The following PLXDC2 variants were observed in gnomAD, a reference collection of about 807,000 sequenced individuals.
The protein encoded by PLXDC2 is plexin domain containing 2.
PLXDC2 carries 40 observed loss-of-function variants against 68.9 expected under a neutral mutation model. The observed-to-expected ratio is 0.58, with a 90% CI of 0.45 to 0.76. PLXDC2 has a LOEUF of 0.76. Among genes scored for constraint, PLXDC2 ranks in the 30% least tolerant of loss-of-function variants. The pLI is 0.00. For synonymous variants in PLXDC2, 243 were observed against 234.2 expected (o/e 1.04, Z -0.34); for missense variants, 644 against 661.9 (o/e 0.97, Z 0.30).
chr10:19,979,858 A>T lies in PLXDC2; in HGVS notation c.113-21917A>T, dbSNP rs140710970. Among the ~76,000 whole-genome samples, 1,298 of 152,304 alleles carry T rather than the reference A, an allele frequency of 8.5e-3. 22 individuals are homozygous for T. Among genetic ancestry groups the T allele is most frequent in the African/African-American group, 0.029 (1,204 of 41,566 alleles). On this transcript the variant is annotated intron_variant, in intron 1 of 13. Transcript: ENST00000377252. Reference sequence around the variant, plus strand: ...TAAACTTGCCCCTCGGCATTTCCACAGTGGAGAAATGACTAAGCCCAGATA... The same window carrying T: ...TAAACTTGCCCCTCGGCATTTCCACTGTGGAGAAATGACTAAGCCCAGATA...
Position 20,164,571 on chromosome 10 carries a change from C to T in PLXDC2, c.883+4C>T, listed in dbSNP as rs779620609. 4.1e-5 allele frequency: 66 copies of T among 1,604,720 alleles called. No homozygotes were observed. Among genetic ancestry groups the T allele is most frequent in the South Asian group, 2.1e-4 (19 of 90,866 alleles). On this transcript the variant is annotated splice_donor_region_variant and intron_variant, in intron 7 of 13. Transcript: ENST00000377252. ...CACAGGATCCAACAAATTCCCAGTA[C>T]GTAGAAGAAGGGCAGTCGCAATGAG... is the stretch of plus-strand genomic sequence containing the variant.
At chr10:20,206,209 A>G (rs1298288627) in intron 9 of PLXDC2, among the ~76,000 whole-genome samples, 1 of 152,162 alleles carries the variant, frequency 6.6e-6, no homozygotes, top group Non-Finnish European at 1.5e-5. Context: ...CTTATCTAAG[A>G]TCACACACCT....
chr10:20,043,331 CTGATT>C (rs1835717220), intron 2 of PLXDC2: 2 of 152,102 alleles, frequency 1.3e-5, no homozygotes, highest in Non-Finnish European at 2.9e-5. Context: ...TTTGGCAGGT[CTGATT>C]TAAGAAAAAC....
At chr10:20,114,495 A>T (rs1833597916) in intron 4 of PLXDC2, among the ~76,000 whole-genome samples, 1 of 152,222 alleles carries the variant, frequency 6.6e-6, no homozygotes, top group African/African-American at 2.4e-5. Flanking sequence ...GTGGTGAGAG[A>T]GGGGAATAGA....
At chr10:19,970,717 G>A (rs898731915) in intron 1 of PLXDC2, among the ~76,000 whole-genome samples, 1 of 152,134 alleles carries the variant, frequency 6.6e-6, no homozygotes, top group Non-Finnish European at 1.5e-5. Flanking sequence ...TTGTGGTTTT[G>A]TAGCTCCCAG....
Position 19,842,448 on chromosome 10 carries a change from C to G in PLXDC2, c.112+25257C>G, listed in dbSNP as rs144897061. Among the ~76,000 whole-genome samples, 448 of 152,280 alleles carry G rather than the reference C, an allele frequency of 2.9e-3. 2 individuals are homozygous for G. Among genetic ancestry groups the G allele is most frequent in the African/African-American group, 0.01 (433 of 41,566 alleles). On this transcript the variant is annotated intron_variant, in intron 1 of 13. Transcript: ENST00000377252. ...AGCTAAATGTATACATTTCCCACCC[C>G]TGTCCTTTCATAAGAAGTGTCCTGA...
intron 4 of PLXDC2, among the ~76,000 whole-genome samples, chr10:20,075,825 G>A (rs1836433787): frequency 6.6e-6 from 1 of 152,196 alleles, no homozygotes; most frequent in South Asian, 2.1e-4. Context: ...AGACAAGGGT[G>A]TGGGTGAAAA....
At chr10:20,138,559 T>C (rs368983557) in intron 4 of PLXDC2, among the ~76,000 whole-genome samples, 237 of 152,318 alleles carry the variant, frequency 1.6e-3, no homozygotes, top group South Asian at 6.4e-3. Context: ...ATTTAATAAA[T>C]GGAAATAACA....
chr10:20,054,828 A>G (rs1456839901), intron 3 of PLXDC2, among the ~76,000 whole-genome samples: 1 of 152,036 alleles, frequency 6.6e-6, no homozygotes, highest in Non-Finnish European at 1.5e-5. Context: ...CGTTGTGCAC[A>G]TGTACCCTAA....
intron 2 of PLXDC2, among the ~76,000 whole-genome samples, chr10:20,042,425 C>G (rs936111547): frequency 2.4e-4 from 36 of 152,078 alleles, no homozygotes; most frequent in East Asian, 5.8e-4. Context: ...TGGCAAGAAC[C>G]ATTCAAATTA....
At chr10:20,068,966 G>T (rs998949900) in intron 4 of PLXDC2, among the ~76,000 whole-genome samples, 3 of 152,084 alleles carry the variant, frequency 2.0e-5, no homozygotes, top group Non-Finnish European at 4.4e-5. Flanking sequence ...GCTTTATGAT[G>T]CAGGGGTAGG....
chr10:19,965,449 C>T (rs542233837), intron 1 of PLXDC2, among the ~76,000 whole-genome samples: 3 of 152,196 alleles, frequency 2.0e-5, no homozygotes, highest in African/African-American at 7.2e-5. Flanking sequence ...ATGCTTTTGC[C>T]AAAGAAATCA....
chr10:19,818,004 C>A (rs1250655133), intron 1 of PLXDC2, among the ~76,000 whole-genome samples: 1 of 152,156 alleles, frequency 6.6e-6, no homozygotes, highest in Non-Finnish European at 1.5e-5. Flanking sequence ...CCTCCTGGAA[C>A]CCTGCCCACC....
intron 6 of PLXDC2, among the ~76,000 whole-genome samples, chr10:20,156,487 A>C (rs1834219296): frequency 6.6e-6 from 1 of 152,124 alleles, no homozygotes; most frequent in Non-Finnish European, 1.5e-5. Context: ...AAATTCACTC[A>C]AAGTGTGCAC....
intron 9 of PLXDC2, 31 bp downstream of exon 9, chr10:20,177,440 A>G: frequency 1.8e-6 from 2 of 1,102,648 alleles, no homozygotes; most frequent in Non-Finnish European, 2.4e-6. Flanking sequence ...ATAATAATAA[A>G]ATTTAAAAAG....
rs575449493 is a variant in PLXDC2, at chr10:20,051,386, T to C, written c.471+4371T>C. Among the ~76,000 whole-genome samples the C allele has an allele frequency of 4.1e-3, 544 of 133,376 alleles. 5 individuals carry two copies. Among genetic ancestry groups the C allele is most frequent in the African/African-American group, 0.014 (521 of 36,340 alleles). 87.5% of individuals were successfully genotyped at this position (133,376 alleles called of 152,430 possible). ...TTCACACTTACTGCTGACCCTAAAA[T>C]AAAGGTTAAATATATATATATATAT... On this transcript the variant is annotated intron_variant, in intron 3 of 13. Transcript: ENST00000377252.
intron 9 of PLXDC2, among the ~76,000 whole-genome samples, chr10:20,180,199 G>A (rs1408193342): frequency 6.6e-6 from 1 of 151,920 alleles, no homozygotes; most frequent in Non-Finnish European, 1.5e-5. Flanking sequence ...GCATATGAAT[G>A]AGAAAGAAAT....
intron 7 of PLXDC2, among the ~76,000 whole-genome samples, chr10:20,172,312 A>G (rs1834458626): frequency 6.6e-6 from 1 of 150,888 alleles, no homozygotes; most frequent in Non-Finnish European, 1.5e-5. Flanking sequence ...AAGTCTCAGG[A>G]GCAGGGAGGC....
In PLXDC2 at chr10:20,243,723, A is replaced by G. The variant is rs115231510; in HGVS notation, c.1313-1622A>G. Among the ~76,000 whole-genome samples, 669 of 152,272 alleles carry G rather than the reference A, an allele frequency of 4.4e-3. 4 individuals carry two copies. Among genetic ancestry groups the G allele is most frequent in the African/African-American group, 0.016 (645 of 41,544 alleles). ...TTAATAGACAAAAAAAGCTTATAAC[A>G]TAGAGGCAAATGGTAAAAATAACGA... is the stretch of plus-strand genomic sequence containing the variant. On this transcript the variant is annotated intron_variant, in intron 12 of 13. Transcript: ENST00000377252.
Sources: gnomAD v4.1 joint callset for allele counts (sites outside exome capture counted in the v4.1 genomes callset) on GRCh38, gnomAD v4.1.1 for gene constraint, MANE v1.5 for transcripts, NCBI Gene and HGNC (gene_info 2026-07-23, HGNC 2026-07-21) for gene names.